The following ADAMTSL1 variants were observed in gnomAD, a reference collection of about 807,000 sequenced individuals.
ADAMTSL1 encodes the protein ADAMTS like 1, also known as ADAMTS-like protein 1.
In ADAMTSL1, 126 loss-of-function variants were observed where a neutral mutation model predicts 201.8. The ratio of observed to expected loss-of-function variants is 0.62; its 90% confidence interval spans 0.54 to 0.72. The LOEUF (loss-of-function observed/expected upper bound fraction) is 0.72. Among genes scored for constraint, ADAMTSL1 ranks in the 30% least tolerant of loss-of-function variants. The pLI is 0.00. For missense variants in ADAMTSL1, 2,679 were observed against 2,277.8 expected (o/e 1.18, Z -3.59); for synonymous variants, 1,121 against 903.4 (o/e 1.24, Z -4.32).
At chr9:18,180,271 C>A (rs190647632) in intron 2 of ADAMTSL1, among the ~76,000 whole-genome samples, 4 of 152,170 alleles carry the variant, frequency 2.6e-5, no homozygotes, top group African/African-American at 9.7e-5. Context: ...CGGTGGCTCA[C>A]GCCTGTAATC....
At position 18,910,344 on chromosome 9, in the gene ADAMTSL1, G is replaced by A. The variant is rs184453294; in HGVS notation, c.*1796G>A. 9 of 152,270 alleles carry A rather than the reference G, an allele frequency of 5.9e-5. No homozygotes were observed. In the East Asian group the frequency reaches 1.5e-3, roughly 26 times the overall value. 9.4% of individuals were successfully genotyped at this position (152,270 alleles called of 1,614,324 possible). ...TTTATTAGGATTTCTTATTAAAAAA[G>A]TGCAATATTAATAATTGTACATTGT... On this transcript the variant is annotated 3_prime_UTR_variant, in exon 29 of 29. Transcript: ENST00000380548.
At chr9:18,818,638 C>T (rs1204897994) in intron 21 of ADAMTSL1, among the ~76,000 whole-genome samples, 2 of 151,918 alleles carry the variant, frequency 1.3e-5, no homozygotes, top group African/African-American at 4.8e-5. Flanking sequence ...CAAAAAAATA[C>T]AAAAATTAGC....
intron 7 of ADAMTSL1, among the ~76,000 whole-genome samples, chr9:18,641,722 C>A (rs1756994482): frequency 1.3e-5 from 2 of 151,840 alleles, no homozygotes; most frequent in African/African-American, 4.8e-5. Context: ...TATCTTTTTT[C>A]TAGTACTTCG....
chr9:18,150,176 G>A (rs1222892596), intron 1 of ADAMTSL1, among the ~76,000 whole-genome samples: 1 of 151,952 alleles, frequency 6.6e-6, no homozygotes, highest in African/African-American at 2.4e-5. Context: ...CTGTTTCCAC[G>A]GTTATGAAAA....
At chr9:18,471,550 T>C (rs796247829), upstream of ADAMTSL1, among the ~76,000 whole-genome samples, 11 of 152,342 alleles carry the variant, frequency 7.2e-5, no homozygotes, top group African/African-American at 2.4e-4. Flanking sequence ...ACCAAAACTT[T>C]TCCCAGTCAC....
intron 13 of ADAMTSL1, among the ~76,000 whole-genome samples, chr9:18,689,097 C>G (rs759928293): frequency 5.9e-5 from 9 of 151,872 alleles, no homozygotes; most frequent in Non-Finnish European, 1.3e-4. Context: ...TTTGGAAACT[C>G]TCAAAAGTGT....
chr9:17,931,695 A>G (rs1826797392), intron 1 of ADAMTSL1, among the ~76,000 whole-genome samples: 1 of 152,008 alleles, frequency 6.6e-6, no homozygotes, highest in African/African-American at 2.4e-5. Flanking sequence ...TTTGATTGAC[A>G]TTTATCAGAA....
Position 18,777,176 on chromosome 9 carries a change from G to A in ADAMTSL1, c.2947G>A (p.Gly983Arg), listed in dbSNP as rs1821078943. 6.2e-7 allele frequency: 1 copy of A among 1,612,918 alleles called. No individual in the cohort carries two copies. The highest frequency in any genetic ancestry group is 8.5e-7 in the Non-Finnish European group (1 of 1,179,826). Residue 983 changes from glycine (G) to arginine (R), a missense_variant, in exon 19 of 29, where the codon GGG becomes AGG. Coordinates refer to ENST00000380548, the MANE Select transcript of ADAMTSL1 (RefSeq NM_001040272.6). ...GAGAAGTGAGGAAGAGGTGCTTGCG[G>A]GGAGGAAGGGCGGCCCGAAGGAGGC... The part of the protein sequence containing the change: ...SPRSEEEVLA[G>R]RKGGPKEALQ...
intron 5 of ADAMTSL1, among the ~76,000 whole-genome samples, chr9:18,628,835 A>C (rs994793983): frequency 6.6e-5 from 10 of 152,164 alleles, no homozygotes; most frequent in African/African-American, 1.4e-4. Context: ...TTTTGTAACT[A>C]TTGCAAATGG....
intron 1 of ADAMTSL1, among the ~76,000 whole-genome samples, chr9:18,046,452 A>C (rs975898828): frequency 6.6e-6 from 1 of 152,192 alleles, no homozygotes; most frequent in African/African-American, 2.4e-5. Flanking sequence ...GGACATGACC[A>C]AAAAGTTGCA....
At chr9:18,820,626 C>A (rs934471) in intron 21 of ADAMTSL1, among the ~76,000 whole-genome samples, 21,720 of 152,122 alleles carry the variant, frequency 0.14, 1,914 homozygotes, top group East Asian at 0.45. Context: ...TTTACCTAGA[C>A]CAACTCACAT....
At chr9:18,390,320 A>G (rs984669118) in intron 2 of ADAMTSL1, among the ~76,000 whole-genome samples, 6 of 152,212 alleles carry the variant, frequency 3.9e-5, no homozygotes, top group African/African-American at 9.6e-5. Context: ...CACGTAGGGC[A>G]TGCTAATCTT....
In ADAMTSL1 at chr9:18,773,616, G is replaced by A. The variant is rs145707914; in HGVS notation, c.2398-2127G>A. 9.8e-5 allele frequency among the ~76,000 whole-genome samples: 15 copies of A among 152,312 alleles called. No homozygotes were observed. The East Asian group carries it at 2.5e-3, about 25-fold the overall frequency. Reference sequence around the variant, plus strand: ...CAACGGCTGGGTCTCCTCATCACCTGAGAAGCCCCCGAATCACTTCCTCAA... The same window carrying A: ...CAACGGCTGGGTCTCCTCATCACCTAAGAAGCCCCCGAATCACTTCCTCAA... On this transcript the variant is annotated intron_variant, in intron 17 of 28. Coordinates refer to ENST00000380548, the MANE Select transcript of ADAMTSL1 (RefSeq NM_001040272.6).
chr9:18,809,583 A>T (rs1268162953), intron 20 of ADAMTSL1, among the ~76,000 whole-genome samples: 2 of 152,192 alleles, frequency 1.3e-5, no homozygotes, highest in African/African-American at 2.4e-5. Context: ...TGAGGTCAGG[A>T]GTTCGAGACC....
intron 15 of ADAMTSL1, among the ~76,000 whole-genome samples, chr9:18,741,198 G>A (rs367606211): frequency 1.5e-4 from 23 of 152,058 alleles, no homozygotes; most frequent in Non-Finnish European, 2.2e-4. Flanking sequence ...CTAAAAACCC[G>A]TAAAATCAAG....
At chr9:18,204,388 C>T (rs1829565812) in intron 2 of ADAMTSL1, among the ~76,000 whole-genome samples, 1 of 152,084 alleles carries the variant, frequency 6.6e-6, no homozygotes, top group Non-Finnish European at 1.5e-5. Flanking sequence ...CTTACTTCCA[C>T]TTTGCCTTCC....
intron 1 of ADAMTSL1, among the ~76,000 whole-genome samples, chr9:18,132,974 T>C (rs1360413): frequency 0.66 from 100,775 of 151,940 alleles, 33,764 homozygotes; most frequent in Non-Finnish European, 0.72. Context: ...AGGGTTTAGA[T>C]TCTTTCACAG....
chr9:18,618,515 A>C (rs1825836454), intron 4 of ADAMTSL1, among the ~76,000 whole-genome samples: 1 of 144,430 alleles, frequency 6.9e-6, no homozygotes, highest in South Asian at 2.2e-4. Context: ...AATAATTTGA[A>C]TTGGGTATAC....
chr9:18,236,295 T>C (rs1359218044), intron 2 of ADAMTSL1, among the ~76,000 whole-genome samples: 1 of 152,102 alleles, frequency 6.6e-6, no homozygotes, highest in East Asian at 1.9e-4. Context: ...TGGCTGGTCT[T>C]GAATGCCTGA....
Sources: allele counts gnomAD v4.1 joint callset (sites outside exome capture counted in the v4.1 genomes callset), GRCh38; gene constraint gnomAD v4.1.1; transcripts MANE v1.5; gene names NCBI Gene and HGNC (gene_info 2026-07-23, HGNC 2026-07-21).